SPI1: variants seen among roughly 807,000 people sequenced by gnomAD.
SPI1 encodes the protein Spi-1 proto-oncogene.
A neutral mutation model predicts 30.7 loss-of-function variants in SPI1; 3 were observed. The observed-to-expected ratio is 0.10, with a 90% confidence interval of 0.04 to 0.25. SPI1 has a LOEUF of 0.25. Ranked by LOEUF, SPI1 falls within the 10% of genes least tolerant of loss-of-function variation. The probability of loss-of-function intolerance (pLI) is 1.00; values close to 1 mark genes in which losing one functional copy is unlikely to be tolerated. For synonymous variants in SPI1, 169 were observed against 157.1 expected (o/e 1.08, Z -0.56); for missense variants, 261 against 371.5 (o/e 0.70, Z 2.45).
At chr11:47,363,103 A>G (rs2095923261) in intron 2 of SPI1, among the ~76,000 whole-genome samples, 1 of 152,224 alleles carries the variant, frequency 6.6e-6, no homozygotes, top group African/African-American at 2.4e-5. Context: ...AAGCCCAAGC[A>G]TGGCACCATG....
At chr11:47,369,449 C>T (rs750496432) in intron 2 of SPI1, among the ~76,000 whole-genome samples, 2 of 151,526 alleles carry the variant, frequency 1.3e-5, no homozygotes, top group Non-Finnish European at 2.9e-5. Flanking sequence ...GCCTCTTTTC[C>T]ATCTGCTCTC....
Position 47,359,805 on chromosome 11 carries a change from C to G in SPI1, c.330+48G>C. The G allele has an allele frequency of 6.3e-6, 10 of 1,586,556 alleles. No homozygotes were observed. Among genetic ancestry groups the G allele is most frequent in the Non-Finnish European group, 8.5e-6 (10 of 1,169,860 alleles). ...TTCCTGTGAAGCTCCCGGGCCCCAC[C>G]ACAGGCCTGGCAGTCTCCTGGGGGA... On this transcript the variant is annotated intron_variant, in intron 3 of 4. Coordinates refer to ENST00000378538, the MANE Select transcript of SPI1 (RefSeq NM_003120.3). This position sits in a 1 kb window ranked among gnomAD's most constrained non-coding sequence, Gnocchi z 5.1.
chr11:47,358,479 C>G lies in SPI1; in HGVS notation c.493+365G>C, dbSNP rs1015226494. On this transcript the variant is annotated intron_variant, in intron 4 of 4. Transcript: ENST00000378538. ...CCACACCCACTCTCAGCCACACCAG[C>G]TCTCACATTCACCTTCTCACACACC... 1.7e-5 allele frequency: 11 copies of G among 647,892 alleles called. No homozygotes were observed. The Middle Eastern group carries it at 8.0e-4, about 47-fold the overall frequency. 40.1% of individuals were successfully genotyped at this position (647,892 alleles called of 1,614,324 possible). A position where few individuals can be genotyped will look rare whatever the true frequency, so the allele number is the denominator to read the frequency against.
intron 4 of SPI1, among the ~76,000 whole-genome samples, chr11:47,357,164 G>A (rs1399580167): frequency 7.0e-6 from 1 of 141,874 alleles, no homozygotes; most frequent in African/African-American, 2.7e-5. Context: ...TCACACACAT[G>A]CTCACATCTC....
At chr11:47,360,061 G>A in intron 2 of SPI1, 21 bp from the exon 3 acceptor site, 1 of 1,513,702 alleles carries the variant, frequency 6.6e-7, no homozygotes, top group African/African-American at 1.4e-5. Flanking sequence ...CAGCCAGGCA[G>A]TATGGGGTGA....
intron 1 of SPI1, among the ~76,000 whole-genome samples, chr11:47,376,908 A>T (rs1442398792): frequency 6.6e-6 from 1 of 152,212 alleles, no homozygotes; most frequent in African/African-American, 2.4e-5. Flanking sequence ...GGATGGCCCA[A>T]GGAGCTCTGC....
chr11:47,366,746 A>G (rs1459785152), intron 2 of SPI1, among the ~76,000 whole-genome samples: 1 of 152,120 alleles, frequency 6.6e-6, no homozygotes. Flanking sequence ...ACTTGAACCC[A>G]GGAGATGGAG....
At chr11:47,373,856 G>A (rs1017549163) in intron 2 of SPI1, among the ~76,000 whole-genome samples, 1 of 152,120 alleles carries the variant, frequency 6.6e-6, no homozygotes, top group African/African-American at 2.4e-5. Context: ...TGGACCCTGA[G>A]CCACGAAAAC....
rs1565638082 is a variant in SPI1 at position 47,359,121 on chromosome 11, G to A, written c.331-115C>T. The stretch of plus-strand genomic sequence containing the variant: ...GTGCAGAGGGCAGGGGACAATGGCA[G>A]GCACAGGAGACTGGAGGAAGAAGAC... On this transcript the variant is annotated intron_variant, in intron 3 of 4. Coordinates refer to ENST00000378538, the MANE Select transcript of SPI1 (RefSeq NM_003120.3). This position sits in a 1 kb window ranked among gnomAD's most constrained non-coding sequence, Gnocchi z 5.1. 1 of 898,710 alleles carries A rather than the reference G, an allele frequency of 1.1e-6. No homozygotes were observed. The highest frequency in any genetic ancestry group is 1.6e-6 in the Non-Finnish European group (1 of 631,358). 55.7% of individuals were successfully genotyped at this position (898,710 alleles called of 1,614,324 possible). A position where few individuals can be genotyped will look rare whatever the true frequency, so the allele number is the denominator to read the frequency against.
intron 4 of SPI1, among the ~76,000 whole-genome samples, chr11:47,357,386 G>A (rs531708992): frequency 2.6e-5 from 4 of 151,448 alleles, no homozygotes; most frequent in South Asian, 2.1e-4. Context: ...ACCTGCTCAC[G>A]CATGCACATA....
chr11:47,372,089 G>A (rs573647827), intron 2 of SPI1, among the ~76,000 whole-genome samples: 1 of 151,680 alleles, frequency 6.6e-6, no homozygotes, highest in South Asian at 2.1e-4. Flanking sequence ...GCAGAAAATG[G>A]TCTCTTTGTC....
intron 2 of SPI1, among the ~76,000 whole-genome samples, chr11:47,366,093 C>T (rs1484678849): frequency 1.3e-5 from 2 of 152,132 alleles, no homozygotes; most frequent in African/African-American, 4.8e-5. Flanking sequence ...CCTTCATCCC[C>T]CCATCATCCA....
chr11:47,357,048 T>C (rs1043350088), intron 4 of SPI1, among the ~76,000 whole-genome samples: 11 of 148,724 alleles, frequency 7.4e-5, no homozygotes, highest in Non-Finnish European at 3.0e-5. Flanking sequence ...CACTTATGCT[T>C]ACAAACTCAT....
In SPI1 at chr11:47,378,397, G is replaced by A. The variant is rs545790711; in HGVS notation, c.-44C>T. The stretch of plus-strand genomic sequence containing the variant: ...GGTCAGATCCCCTGCCTCGGTGGGG[G>A]CCAATGCAGAGCCCCTCAGGATGGG... On this transcript the variant is annotated 5_prime_UTR_variant, in exon 1 of 5. Coordinates refer to ENST00000378538, the MANE Select transcript of SPI1 (RefSeq NM_003120.3). 33 of 1,595,408 alleles carry A rather than the reference G, an allele frequency of 2.1e-5. No individual in the cohort carries two copies. The East Asian group carries it at 6.6e-4, about 32-fold the overall frequency.
Position 47,375,491 on chromosome 11 carries a change from G to A in SPI1, c.142+142C>T, listed in dbSNP as rs2095941048. 2 of 688,250 alleles carry A rather than the reference G, an allele frequency of 2.9e-6. No individual in the cohort carries two copies. The highest frequency in any genetic ancestry group is 2.6e-5 in the East Asian group (1 of 38,402). The allele number at this position is 688,250 out of a possible 1,614,324, so 42.6% of individuals were successfully genotyped here. A position where few individuals can be genotyped will look rare whatever the true frequency, so the allele number is the denominator to read the frequency against. ...GTGGGGGTGCAGCGATGATGCTGCA[G>A]TTCACTGCCTTTGAGAGCAAACTTG... On this transcript the variant is annotated intron_variant, in intron 2 of 4. Coordinates refer to ENST00000378538, the MANE Select transcript of SPI1 (RefSeq NM_003120.3). The surrounding 1 kb of genome is among the most constrained non-coding windows in gnomAD (Gnocchi z 4.2).
At chr11:47,361,870 G>A (rs1043161260) in intron 2 of SPI1, among the ~76,000 whole-genome samples, 20 of 149,968 alleles carry the variant, frequency 1.3e-4, no homozygotes, top group Admixed American at 8.0e-4. Context: ...TTTTTCTCCC[G>A]GAGCCTCTCA....
rs1190295327 is a variant in SPI1 at position 47,359,009 on chromosome 11, G to A, written c.331-3C>T. On this transcript the variant is annotated splice_region_variant and splice_polypyrimidine_tract_variant and intron_variant, in intron 3 of 4. Transcript: ENST00000378538. This position sits in a 1 kb window ranked among gnomAD's most constrained non-coding sequence, Gnocchi z 5.1. ...CACATCCGGGGCAGGTAGGAGACCT[G>A]GACGGTGGGGGAAGGAGATCAGAGT... The A allele has an allele frequency of 2.0e-6, 3 of 1,522,552 alleles. No individual in the cohort carries two copies. The highest frequency in any genetic ancestry group is 2.6e-5 in the South Asian group (2 of 75,828). 94.3% of individuals were successfully genotyped at this position (1,522,552 alleles called of 1,614,324 possible). A position where few individuals can be genotyped will look rare whatever the true frequency, so the allele number is the denominator to read the frequency against.
At position 47,359,204 on chromosome 11, in the gene SPI1, G is replaced by A. The variant is rs1416736769; in HGVS notation, c.331-198C>T. On this transcript the variant is annotated intron_variant, in intron 3 of 4. Coordinates refer to ENST00000378538, the MANE Select transcript of SPI1 (RefSeq NM_003120.3). This position sits in a 1 kb window ranked among gnomAD's most constrained non-coding sequence, Gnocchi z 5.1. Reference sequence around the variant, plus strand: ...CATAGGGTGCAGGCTGTGGGGCGAGGGGTGCTGACATCCAGCCCACCCAGC... The same window carrying A: ...CATAGGGTGCAGGCTGTGGGGCGAGAGGTGCTGACATCCAGCCCACCCAGC... Among the ~76,000 whole-genome samples the A allele has an allele frequency of 5.3e-5, 8 of 152,132 alleles. No homozygotes were observed. Among genetic ancestry groups the A allele is most frequent in the Non-Finnish European group, 1.0e-4 (7 of 68,018 alleles).
intron 2 of SPI1, among the ~76,000 whole-genome samples, chr11:47,372,168 G>A (rs552188290): frequency 4.0e-5 from 6 of 150,902 alleles, no homozygotes; most frequent in East Asian, 3.9e-4. Context: ...TCAGTGGCGC[G>A]ATCTCAGCTC....
Sources: allele counts gnomAD v4.1 joint callset (sites outside exome capture counted in the v4.1 genomes callset), GRCh38; gene constraint gnomAD v4.1.1; non-coding constraint Gnocchi (gnomAD v3.1); transcripts MANE v1.5; gene names NCBI Gene and HGNC (gene_info 2026-07-23, HGNC 2026-07-21).